The following RFFL variants were observed in gnomAD, a reference collection of about 807,000 sequenced individuals.
The protein encoded by RFFL is E3 ubiquitin-protein ligase rififylin.
In RFFL, 16 loss-of-function variants were observed where a neutral mutation model predicts 40.4. That is an observed-to-expected ratio of 0.40 (90% CI 0.27 to 0.60). The LOEUF is 0.60. RFFL is among the 20% of genes least tolerant of loss of function. The pLI is 0.47. For synonymous variants in RFFL, 154 were observed against 167.9 expected (o/e 0.92, Z 0.64); for missense variants, 367 against 451.7 (o/e 0.81, Z 1.70).
upstream of RFFL, among the ~76,000 whole-genome samples, chr17:35,067,031 G>T (rs2142374062): frequency 6.6e-6 from 1 of 152,066 alleles, no homozygotes; most frequent in South Asian, 2.1e-4. Context: ...AATCAACAGG[G>T]GTGCTTATTG....
chr17:35,067,456 C>CA (rs2091326152), upstream of RFFL, among the ~76,000 whole-genome samples: 1 of 126,752 alleles, frequency 7.9e-6, no homozygotes, highest in Non-Finnish European at 1.6e-5. Context: ...TCTTCCAAGC[C>CA]TTTTTTTTTT....
chr17:35,066,666 T>C (rs1309744780), upstream of RFFL, among the ~76,000 whole-genome samples: 1 of 152,216 alleles, frequency 6.6e-6, no homozygotes, highest in Non-Finnish European at 1.5e-5. Flanking sequence ...CTCCCTTTTA[T>C]CTACTTCCCT....
intron 1 of RFFL, among the ~76,000 whole-genome samples, chr17:35,046,780 G>C (rs1175468709): frequency 1.3e-5 from 2 of 152,196 alleles, no homozygotes; most frequent in Admixed American, 6.5e-5. Flanking sequence ...CTAACCAATG[G>C]AGCTGTGCCA....
chr17:35,017,605 G>A lies in RFFL; in HGVS notation c.593C>T (p.Ala198Val), dbSNP rs770174032. The A allele has an allele frequency of 4.4e-6, 7 of 1,606,102 alleles. No homozygotes were observed. In the Admixed American group the frequency reaches 1.0e-4, roughly 23 times the overall value. Residue 198 changes from alanine (A) to valine (V), a missense_variant and splice_region_variant, in exon 4 of 7, where the codon GCC becomes GTC. Coordinates refer to ENST00000394597, the MANE Select transcript of RFFL (RefSeq NM_001017368.2). ...TTGATCCTGAGACACATGGCCATTG[G>A]CCTGTGGGAAGAGAAAAGTAACATC... ...PPAQVQENQQ[A>V]NGHVSQDQEE...
chr17:35,081,035 G>A (rs778857828), intron 1 of RFFL, among the ~76,000 whole-genome samples: 3 of 152,180 alleles, frequency 2.0e-5, no homozygotes, highest in Admixed American at 6.5e-5. Context: ...AGCACATGGC[G>A]GTAGTAGCAG....
Position 35,033,254 on chromosome 17 carries a change from C to T in RFFL, c.-8-6693G>A, listed in dbSNP as rs963190240. Among the ~76,000 whole-genome samples the T allele has an allele frequency of 2.6e-5, 4 of 151,926 alleles. 1 individual carries two copies. Among genetic ancestry groups the T allele is most frequent in the African/African-American group, 9.7e-5 (4 of 41,262 alleles). ...TAGAAAAAGAAGTGATATGGCTGGG[C>T]ATGGTGGCTCATGGCTGTAATCCCA... On this transcript the variant is annotated intron_variant, in intron 1 of 6. Transcript: ENST00000394597.
At chr17:35,078,745 C>T (rs8077476) in intron 1 of RFFL, among the ~76,000 whole-genome samples, 10,123 of 152,140 alleles carry the variant, frequency 0.067, 1,025 homozygotes, top group African/African-American at 0.21. Context: ...TTTGGGAGGC[C>T]GAGGCAGACA....
chr17:35,069,203 T>TCTCCCTGACACACATGCCCTGC, intron 1 of RFFL: 1 of 456,216 alleles, frequency 2.2e-6, no homozygotes, highest in Non-Finnish European at 4.4e-6. Flanking sequence ...ACATGCTCTG[T>TCTCCCTGACACACATGCCCTGC]CTCCCTGACA....
At chr17:35,019,137 G>A (rs561432236) in intron 3 of RFFL, 8 of 152,354 alleles carry the variant, frequency 5.3e-5, no homozygotes, top group Admixed American at 5.2e-4. Flanking sequence ...TTATGAACTT[G>A]TCAGACAGTA....
intron 1 of RFFL, among the ~76,000 whole-genome samples, chr17:35,031,003 G>A (rs2091079339): frequency 2.0e-5 from 3 of 151,932 alleles, no homozygotes; most frequent in African/African-American, 4.8e-5. Context: ...ATTTTTCTGG[G>A]AAGGCAAAGG....
chr17:35,058,888 T>A (rs1032312626), intron 1 of RFFL, among the ~76,000 whole-genome samples: 1 of 152,074 alleles, frequency 6.6e-6, no homozygotes, highest in Non-Finnish European at 1.5e-5. Context: ...ATCTGGGCTA[T>A]AATTGTGACT....
chr17:35,047,412 G>C (rs9912342), intron 1 of RFFL, among the ~76,000 whole-genome samples: 3,828 of 152,284 alleles, frequency 0.025, 166 homozygotes, highest in African/African-American at 0.086. Context: ...ACATTGAAAA[G>C]ATAATTGAAA....
At chr17:35,042,562 C>G (rs761610305) in intron 1 of RFFL, among the ~76,000 whole-genome samples, 1 of 152,080 alleles carries the variant, frequency 6.6e-6, no homozygotes, top group African/African-American at 2.4e-5. Flanking sequence ...TGGCTCACAC[C>G]TGTAATCCCA....
At chr17:35,016,123 A>G (rs897551772) in intron 5 of RFFL, among the ~76,000 whole-genome samples, 26 of 152,228 alleles carry the variant, frequency 1.7e-4, no homozygotes, top group African/African-American at 5.8e-4. Flanking sequence ...TACCTTTCAG[A>G]TAAAGGGGTG....
At position 35,029,254 on chromosome 17, in the gene RFFL, T is replaced by A. The variant is rs1362763088; in HGVS notation, c.-8-2693A>T. ...ATGAAGTAAAGAGTTCTTCACAGAG[T>A]GTGTGTATGATAAAGTAAATGAGTT... is the stretch of plus-strand genomic sequence containing the variant. On this transcript the variant is annotated intron_variant, in intron 1 of 6. Transcript: ENST00000394597. Among the ~76,000 whole-genome samples the A allele has an allele frequency of 4.0e-5, 6 of 151,058 alleles. 1 individual carries two copies. Among genetic ancestry groups the A allele is most frequent in the African/African-American group, 7.3e-5 (3 of 40,878 alleles).
chr17:35,077,124 A>T (rs28476566), intron 1 of RFFL: 3,770 of 151,810 alleles, frequency 0.025, 160 homozygotes, highest in African/African-American at 0.086. Flanking sequence ...ATAATTAAAT[A>T]AATTAACTAT....
intron 1 of RFFL, among the ~76,000 whole-genome samples, chr17:35,072,001 C>T (rs2091353192): frequency 6.6e-6 from 1 of 152,024 alleles, no homozygotes; most frequent in Non-Finnish European, 1.5e-5. Flanking sequence ...ACATTCGAGG[C>T]TGGGTGTAGT....
At chr17:35,054,891 T>G (rs2091251177) in intron 1 of RFFL, among the ~76,000 whole-genome samples, 1 of 151,598 alleles carries the variant, frequency 6.6e-6, no homozygotes, top group African/African-American at 2.4e-5. Context: ...AGGCTTAGAG[T>G]AGGTGCTTAG....
chr17:35,022,434 A>G (rs985141614), intron 2 of RFFL, among the ~76,000 whole-genome samples: 2 of 152,218 alleles, frequency 1.3e-5, no homozygotes, highest in Admixed American at 6.5e-5. Flanking sequence ...AGGTGCTTCT[A>G]TATGCTAGCT....
Sources: gnomAD v4.1 joint callset for allele counts (sites outside exome capture counted in the v4.1 genomes callset) on GRCh38, gnomAD v4.1.1 for gene constraint, MANE v1.5 for transcripts, NCBI Gene and HGNC (gene_info 2026-07-23, HGNC 2026-07-21) for gene names.